FBXW8: variants seen among roughly 807,000 people sequenced by gnomAD.
The protein encoded by FBXW8 is F-box and WD repeat domain containing 8.
Under a neutral mutation model 65.3 loss-of-function variants are expected in FBXW8, and 57 were observed. The observed-to-expected ratio is 0.87, with a 90% confidence interval of 0.71 to 1.09. The LOEUF (loss-of-function observed/expected upper bound fraction) is 1.09. Among genes scored for constraint, FBXW8 ranks in the 50% least tolerant of loss-of-function variants. The pLI, the probability that FBXW8 is intolerant of heterozygous loss-of-function variation, is 0.00. For synonymous variants in FBXW8, 308 were observed against 330.2 expected (o/e 0.93, Z 0.73); for missense variants, 777 against 814.8 (o/e 0.95, Z 0.57).
chr12:116,926,360 A>G (rs1184097437), intron 1 of FBXW8, among the ~76,000 whole-genome samples: 3 of 152,172 alleles, frequency 2.0e-5, no homozygotes, highest in Non-Finnish European at 2.9e-5. Context: ...AGGCCTCTCC[A>G]CAATGTCAAA....
intron 8 of FBXW8, among the ~76,000 whole-genome samples, chr12:117,018,285 C>CAATT (rs1194366294): frequency 1.3e-5 from 2 of 152,168 alleles, no homozygotes; most frequent in Non-Finnish European, 2.9e-5. Flanking sequence ...GCTTTCAGAC[C>CAATT]AATTATTTTT....
At chr12:116,947,590 A>G (rs1261668030) in intron 3 of FBXW8, among the ~76,000 whole-genome samples, 2 of 151,856 alleles carry the variant, frequency 1.3e-5, no homozygotes, top group African/African-American at 4.8e-5. Flanking sequence ...AAATACGAAA[A>G]TTAGCCGGGC....
rs4076700 is a variant in FBXW8, at chr12:116,945,515, G to A, written c.575G>A (p.Arg192Gln). ...TGCCGAGCCAAGGAACACATGTTAC[G>A]AACCAACTGGAAGGTGGGCAGTGGC... ...QECRAKEHML[R>Q]TNWKNRKGAV... Residue 192 changes from arginine to glutamine, a missense_variant, in exon 3 of 11, where the codon CGA (arginine) becomes CAA (glutamine). By Grantham distance (43) the Arg-to-Gln change is conservative. Coordinates refer to ENST00000652555, the MANE Select transcript of FBXW8 (RefSeq NM_153348.3). 1,315,844 of 1,613,530 alleles carry A rather than the reference G, an allele frequency of 0.82. 548,051 individuals carry two copies. The highest frequency in any genetic ancestry group is 0.86 in the Admixed American group (51,350 of 59,982).
At chr12:116,965,720 T>A (rs1884277074) in intron 5 of FBXW8, among the ~76,000 whole-genome samples, 1 of 152,162 alleles carries the variant, frequency 6.6e-6, no homozygotes, top group Non-Finnish European at 1.5e-5. Flanking sequence ...TATACCCATG[T>A]GCTGTTTAAA....
chr12:117,011,126 C>A (rs200205218), intron 8 of FBXW8, among the ~76,000 whole-genome samples: 1 of 100,344 alleles, frequency 1.0e-5, no homozygotes, highest in Non-Finnish European at 1.8e-5. Context: ...TTTTTCTTTT[C>A]CTTTTTTTTT....
In FBXW8 at chr12:117,027,888, C is replaced by T. The variant is rs541775134; in HGVS notation, c.1653-140C>T. On this transcript the variant is annotated intron_variant, in intron 10 of 10. Transcript: ENST00000652555. ...TAAGCCGGGGACTGTGAGTATCTGA[C>T]GCTGTGTGCCCAGAGAACGCGTTTG... is the stretch of plus-strand genomic sequence containing the variant. The T allele has an allele frequency of 1.2e-4, 138 of 1,130,278 alleles. 1 individual carries two copies. Among genetic ancestry groups the T allele is most frequent in the Admixed American group, 7.2e-4 (32 of 44,606 alleles). 70.0% of individuals were successfully genotyped at this position (1,130,278 alleles called of 1,614,324 possible).
At chr12:116,928,191 C>T (rs111490265) in intron 2 of FBXW8, 64 bp downstream of exon 2, 29 of 967,904 alleles carry the variant, frequency 3.0e-5, no homozygotes, top group African/African-American at 2.3e-4. Context: ...TAGGACTCTC[C>T]GGGGTAATAG....
Position 116,936,990 on chromosome 12 carries a change from G to C in FBXW8, c.424-8374G>C, listed in dbSNP as rs186613674. Reference sequence around the variant, plus strand: ...TGGGGGACAAGGACAGCAGCAAGGAGACCAGTTAGGAGGCCACTGAAGTAA... The same window carrying C: ...TGGGGGACAAGGACAGCAGCAAGGACACCAGTTAGGAGGCCACTGAAGTAA... On this transcript the variant is annotated intron_variant, in intron 2 of 10. Coordinates refer to ENST00000652555, the MANE Select transcript of FBXW8 (RefSeq NM_153348.3). This position sits in a 1 kb window ranked among gnomAD's most constrained non-coding sequence, Gnocchi z 4.6. 2.2e-4 allele frequency among the ~76,000 whole-genome samples: 34 copies of C among 152,256 alleles called. No homozygotes were observed. The East Asian group carries it at 6.6e-3, about 29-fold the overall frequency.
At chr12:116,955,313 C>T (rs1376116204) in intron 4 of FBXW8, among the ~76,000 whole-genome samples, 1 of 152,214 alleles carries the variant, frequency 6.6e-6, no homozygotes, top group Non-Finnish European at 1.5e-5. Context: ...GACGTGCCTT[C>T]AACTGCGACT....
chr12:116,922,899 G>A (rs974153445), intron 1 of FBXW8, among the ~76,000 whole-genome samples: 1 of 152,110 alleles, frequency 6.6e-6, no homozygotes, highest in East Asian at 1.9e-4. Flanking sequence ...CTTTTAGTGT[G>A]CATGAGGATC....
intron 7 of FBXW8, among the ~76,000 whole-genome samples, chr12:116,989,604 A>G (rs1308521060): frequency 6.6e-6 from 1 of 152,228 alleles, no homozygotes; most frequent in African/African-American, 2.4e-5. Context: ...ATCACTCCCT[A>G]GCATGTTACT....
chr12:116,922,866 A>G (rs1251426643), intron 1 of FBXW8, among the ~76,000 whole-genome samples: 1 of 151,690 alleles, frequency 6.6e-6, no homozygotes, highest in Non-Finnish European at 1.5e-5. Context: ...ATATCTGCCT[A>G]TGATGTATGG....
intron 2 of FBXW8, among the ~76,000 whole-genome samples, chr12:116,935,959 A>C (rs1378137596): frequency 6.6e-6 from 1 of 152,202 alleles, no homozygotes; most frequent in Non-Finnish European, 1.5e-5. Context: ...TGTATGTGCG[A>C]GGTACTGTTC....
Position 116,995,157 on chromosome 12 carries a change from C to T in FBXW8, c.1239+6288C>T, listed in dbSNP as rs190168187. Reference sequence around the variant, plus strand: ...ATGACTTCATCTAGAATCAGTGTAGCATGACTGACAGCCCTATCCGGCCAG... The same window carrying T: ...ATGACTTCATCTAGAATCAGTGTAGTATGACTGACAGCCCTATCCGGCCAG... On this transcript the variant is annotated intron_variant, in intron 7 of 10. Transcript: ENST00000652555. Among the ~76,000 whole-genome samples the T allele has an allele frequency of 2.0e-3, 312 of 152,352 alleles. 2 individuals are homozygous for T. Among genetic ancestry groups the T allele is most frequent in the African/African-American group, 7.3e-3 (305 of 41,582 alleles).
chr12:116,976,467 T>C (rs1323791830), intron 5 of FBXW8, among the ~76,000 whole-genome samples: 1 of 147,920 alleles, frequency 6.8e-6, no homozygotes, highest in Non-Finnish European at 1.5e-5. Context: ...TTTTTTTTTT[T>C]TTTTTCAAAA....
intron 7 of FBXW8, among the ~76,000 whole-genome samples, chr12:116,992,425 G>T (rs10850740): frequency 0.1 from 14,924 of 147,702 alleles, 2,000 homozygotes; most frequent in African/African-American, 0.31. Context: ...TCAGAGTTTT[G>T]TTTTTTTTTT....
chr12:117,027,624 T>C, intron 10 of FBXW8, 120 bp downstream of exon 10: 1 of 774,426 alleles, frequency 1.3e-6, no homozygotes, highest in South Asian at 1.6e-5. Context: ...GGGCCCTGCC[T>C]TTCTGCGAAT....
At chr12:117,011,412 T>C (rs929346711) in intron 8 of FBXW8, among the ~76,000 whole-genome samples, 14 of 152,114 alleles carry the variant, frequency 9.2e-5, no homozygotes, top group African/African-American at 3.4e-4. Context: ...ACCCCCAACT[T>C]AGAGCAAGGA....
At chr12:116,942,609 C>T (rs1236993498) in intron 2 of FBXW8, among the ~76,000 whole-genome samples, 19 of 151,450 alleles carry the variant, frequency 1.3e-4, no homozygotes, top group East Asian at 2.0e-4. Context: ...CTTCTGACCT[C>T]GTGATCCACC....
Sources: gnomAD v4.1 joint callset for allele counts (sites outside exome capture counted in the v4.1 genomes callset) on GRCh38, gnomAD v4.1.1 for gene constraint, Gnocchi (gnomAD v3.1) non-coding constraint, MANE v1.5 for transcripts, NCBI Gene and HGNC (gene_info 2026-07-23, HGNC 2026-07-21) for gene names.